Variants in ARHGAP44 observed in about 807,000 individuals in gnomAD.
ARHGAP44 encodes the protein Rho GTPase activating protein 44.
In ARHGAP44, 43 loss-of-function variants were observed where a neutral mutation model predicts 106.8. The ratio of observed to expected loss-of-function variants is 0.40; its 90% confidence interval spans 0.32 to 0.52. The LOEUF is 0.52. Ranked by LOEUF, ARHGAP44 falls within the 20% of genes least tolerant of loss-of-function variation. The pLI, the probability that ARHGAP44 is intolerant of heterozygous loss-of-function variation, is 0.48. For synonymous variants in ARHGAP44, 439 were observed against 410.3 expected, an observed-to-expected ratio of 1.07 and a Z score of -0.85; for missense variants, 866 against 1,050.5, an observed-to-expected ratio of 0.82 and a Z score of 2.43.
chr17:12,818,723 A>G (rs1313631833), intron 1 of ARHGAP44, among the ~76,000 whole-genome samples: 1 of 152,050 alleles, frequency 6.6e-6, no homozygotes, highest in African/African-American at 2.4e-5. Context: ...TAGCAAAATT[A>G]TGTGCAGGAT....
chr17:12,946,664 T>C (rs992028036), intron 10 of ARHGAP44, among the ~76,000 whole-genome samples: 2 of 151,664 alleles, frequency 1.3e-5, no homozygotes, highest in Admixed American at 6.6e-5. Flanking sequence ...CTGGGCATAG[T>C]GGCACACGCA....
intron 3 of ARHGAP44, among the ~76,000 whole-genome samples, chr17:12,896,765 C>A (rs3815312): frequency 0.2 from 31,050 of 152,124 alleles, 4,027 homozygotes; most frequent in East Asian, 0.44. Context: ...TCCTCCCCAG[C>A]TTGGAGCAAC....
rs2040097011 is a variant in ARHGAP44, at chr17:12,990,313, A to G, written c.*142A>G. 1.7e-6 allele frequency: 2 copies of G among 1,156,566 alleles called. No individual in the cohort carries two copies. The highest frequency in any genetic ancestry group is 2.4e-6 in the Non-Finnish European group (2 of 837,726). The allele number at this position is 1,156,566 out of a possible 1,614,324, so 71.6% of individuals were successfully genotyped here. A position where few individuals can be genotyped will look rare whatever the true frequency, so the allele number is the denominator to read the frequency against. On this transcript the variant is annotated 3_prime_UTR_variant, in exon 21 of 21. Coordinates refer to ENST00000379672, the MANE Select transcript of ARHGAP44 (RefSeq NM_014859.6). ...CAACACGAGGTTGGAATTTGGCAGA[A>G]AATTGTGATCTCCAGTCCGTGTGGT...
chr17:12,937,403 C>G (rs2038579429), intron 7 of ARHGAP44, among the ~76,000 whole-genome samples: 1 of 152,142 alleles, frequency 6.6e-6, no homozygotes, highest in African/African-American at 2.4e-5. Context: ...AAAAGTGGGT[C>G]CCCCTGGAGG....
chr17:12,887,866 GT>G (rs540643103), intron 1 of ARHGAP44, among the ~76,000 whole-genome samples: 2,692 of 126,268 alleles, frequency 0.021, 66 homozygotes, highest in African/African-American at 0.058. Context: ...AATCATTTTT[GT>G]TTTTTTTTTT....
chr17:12,865,898 G>C (rs371819190), intron 1 of ARHGAP44, among the ~76,000 whole-genome samples: 2 of 151,840 alleles, frequency 1.3e-5, no homozygotes, highest in Non-Finnish European at 2.9e-5. Flanking sequence ...ATACTGTATC[G>C]TAAGTAATGA....
chr17:12,923,142 G>A (rs540326766), intron 6 of ARHGAP44, among the ~76,000 whole-genome samples: 75 of 152,212 alleles, frequency 4.9e-4, no homozygotes, highest in African/African-American at 1.6e-3. Flanking sequence ...TTATCACATC[G>A]GTGATTTTTC....
chr17:12,906,293 C>G (rs925280391), intron 3 of ARHGAP44, among the ~76,000 whole-genome samples: 2 of 152,210 alleles, frequency 1.3e-5, no homozygotes, highest in Non-Finnish European at 2.9e-5. Flanking sequence ...TTCCCCAACT[C>G]TCTGAACACC....
At chr17:12,982,387 C>G (rs2039856314) in intron 19 of ARHGAP44, among the ~76,000 whole-genome samples, 1 of 152,002 alleles carries the variant, frequency 6.6e-6, no homozygotes. Context: ...ATTCCTGTCA[C>G]CACCGGAAGT....
Position 12,958,840 on chromosome 17 carries a change from G to A in ARHGAP44, c.1466G>A (p.Arg489His), listed in dbSNP as rs1218875900. The part of the protein sequence containing the change: ...PADRRQPEQA[R>H]RPLSVATDNM... Reference sequence around the variant, plus strand: ...GACCGGCGCCAGCCCGAGCAGGCCCGCCGGCCCCTCAGCGTCGCCACGGAT... The same window carrying A: ...GACCGGCGCCAGCCCGAGCAGGCCCACCGGCCCCTCAGCGTCGCCACGGAT... Residue 489 changes from arginine to histidine, a missense_variant, in exon 16 of 21, where the codon CGC becomes CAC. Arg to His is a conservative substitution (Grantham distance 29). Coordinates refer to ENST00000379672, the MANE Select transcript of ARHGAP44 (RefSeq NM_014859.6). This position sits in a 1 kb window ranked among gnomAD's most constrained non-coding sequence, Gnocchi z 4.1. 5.0e-6 allele frequency: 8 copies of A among 1,611,244 alleles called. No individual in the cohort carries two copies. The highest frequency in any genetic ancestry group is 6.8e-6 in the Non-Finnish European group (8 of 1,178,818).
At chr17:12,841,594 T>TCTCTCTCTCTCACACACACACA (rs1417307080) in intron 1 of ARHGAP44, among the ~76,000 whole-genome samples, 82 of 126,526 alleles carry the variant, frequency 6.5e-4, no homozygotes, top group East Asian at 2.4e-3. Context: ...TGTCTCTCTC[T>TCTCTCTCTCTCACACACACACA]CACACACACA....
At position 12,984,517 on chromosome 17, in the gene ARHGAP44, G is replaced by A. The variant is rs766398316; in HGVS notation, c.1940-14G>A. The A allele has an allele frequency of 1.3e-6, 2 of 1,511,102 alleles. No individual in the cohort carries two copies. The highest frequency in any genetic ancestry group is 2.6e-5 in the South Asian group (2 of 75,566). 93.6% of individuals were successfully genotyped at this position (1,511,102 alleles called of 1,614,324 possible). ...ACTTTGTGTTTTGTTGTTGTGTTGT[G>A]TTTTCTCTTTCAGTTTCAAAGAAGC... On this transcript the variant is annotated splice_polypyrimidine_tract_variant and intron_variant, in intron 19 of 20. Coordinates refer to ENST00000379672, the MANE Select transcript of ARHGAP44 (RefSeq NM_014859.6).
chr17:12,931,821 A>G (rs1322624428), intron 7 of ARHGAP44, among the ~76,000 whole-genome samples: 1 of 145,934 alleles, frequency 6.9e-6, no homozygotes, highest in Non-Finnish European at 1.5e-5. Context: ...TATAAATTGC[A>G]TGATATTCCA....
chr17:12,903,546 G>T (rs1234394103), intron 3 of ARHGAP44, among the ~76,000 whole-genome samples: 2 of 152,040 alleles, frequency 1.3e-5, no homozygotes, highest in Non-Finnish European at 2.9e-5. Context: ...AGCTTTTCTA[G>T]ATTTTTGAGC....
chr17:12,880,993 G>A (rs2036720763), intron 1 of ARHGAP44, among the ~76,000 whole-genome samples: 1 of 152,034 alleles, frequency 6.6e-6, no homozygotes, highest in African/African-American at 2.4e-5. Context: ...TACGAATGAA[G>A]TTGACCAAGC....
chr17:12,855,230 C>T (rs1336966296), intron 1 of ARHGAP44, among the ~76,000 whole-genome samples: 1 of 152,006 alleles, frequency 6.6e-6, no homozygotes, highest in Non-Finnish European at 1.5e-5. Context: ...TAGTGAGACC[C>T]CCATCTCTAA....
intron 19 of ARHGAP44, among the ~76,000 whole-genome samples, chr17:12,983,909 T>C (rs1418827028): frequency 6.6e-6 from 1 of 152,086 alleles, no homozygotes; most frequent in East Asian, 1.9e-4. Context: ...GAAACAAGAA[T>C]GAGAAGAAAG....
At chr17:12,847,103 A>G (rs1288172116) in intron 1 of ARHGAP44, among the ~76,000 whole-genome samples, 2 of 152,180 alleles carry the variant, frequency 1.3e-5, no homozygotes, top group African/African-American at 4.8e-5. Context: ...GCACAAATTG[A>G]TTTTCCTAAT....
intron 1 of ARHGAP44, among the ~76,000 whole-genome samples, chr17:12,822,909 G>A (rs2034812333): frequency 1.3e-5 from 2 of 152,164 alleles, no homozygotes; most frequent in African/African-American, 4.8e-5. Flanking sequence ...GGTGGTCCTA[G>A]GCAGAGCTCT....
Sources: gnomAD v4.1 joint callset for allele counts (sites outside exome capture counted in the v4.1 genomes callset) on GRCh38, gnomAD v4.1.1 for gene constraint, Gnocchi (gnomAD v3.1) non-coding constraint, MANE v1.5 for transcripts, NCBI Gene and HGNC (gene_info 2026-07-23, HGNC 2026-07-21) for gene names.